The following ANKS1B variants were observed in gnomAD, a reference collection of about 807,000 sequenced individuals.
ANKS1B encodes the protein ankyrin repeat and sterile alpha motif domain containing 1B, also known as ankyrin repeat and sterile alpha motif domain-containing protein 1B.
ANKS1B carries 36 observed loss-of-function variants against 148.3 expected under a neutral mutation model. The ratio of observed to expected loss-of-function variants is 0.24; its 90% CI spans 0.19 to 0.32. ANKS1B has a LOEUF of 0.32. ANKS1B is among the 10% of genes least tolerant of loss of function. The probability of loss-of-function intolerance (pLI) is 1.00; values close to 1 mark genes in which losing one functional copy is unlikely to be tolerated. For synonymous variants in ANKS1B, 542 were observed against 560.8 expected (o/e 0.97, Z 0.47); for missense variants, 1,157 against 1,542.6 (o/e 0.75, Z 4.19).
At chr12:99,210,032 AAG>A (rs2083147694) in intron 14 of ANKS1B, among the ~76,000 whole-genome samples, 1 of 152,170 alleles carries the variant, frequency 6.6e-6, no homozygotes, top group African/African-American at 2.4e-5. Flanking sequence ...CTTAGTCCCT[AAG>A]AGAGAATGCT....
chr12:99,577,976 A>G (rs1301092474), intron 9 of ANKS1B, among the ~76,000 whole-genome samples: 1 of 152,136 alleles, frequency 6.6e-6, no homozygotes, highest in Admixed American at 6.6e-5. Context: ...TCCCAAACTA[A>G]ATATTAGCAA....
At chr12:99,325,870 G>T (rs909044722) in intron 12 of ANKS1B, among the ~76,000 whole-genome samples, 1 of 152,012 alleles carries the variant, frequency 6.6e-6, no homozygotes, top group Non-Finnish European at 1.5e-5. Flanking sequence ...ATAAAGAACT[G>T]CCAAAGACTG....
chr12:99,243,958 T>C (rs991773481), intron 14 of ANKS1B, among the ~76,000 whole-genome samples: 5 of 152,202 alleles, frequency 3.3e-5, no homozygotes, highest in Middle Eastern at 3.4e-3. Flanking sequence ...ACATGGCACA[T>C]GTATACCTAT....
chr12:99,966,786 T>C (rs531061846), intron 1 of ANKS1B, among the ~76,000 whole-genome samples: 3 of 152,206 alleles, frequency 2.0e-5, no homozygotes, highest in Non-Finnish European at 4.4e-5. Context: ...ATAGGCTTAC[T>C]AGGAACCCAT....
chr12:99,307,563 G>A (rs2082527358), intron 12 of ANKS1B, among the ~76,000 whole-genome samples: 1 of 152,028 alleles, frequency 6.6e-6, no homozygotes, highest in Non-Finnish European at 1.5e-5. Flanking sequence ...ACACTTCCTT[G>A]TCATTTTATG....
chr12:98,824,475 G>A (rs192094631), intron 19 of ANKS1B, among the ~76,000 whole-genome samples: 88 of 152,288 alleles, frequency 5.8e-4, no homozygotes, highest in African/African-American at 1.9e-3. Flanking sequence ...GGTCTGAACC[G>A]ATAGTCATAT....
rs377039697 is a variant in ANKS1B at position 99,722,886 on chromosome 12, C to T, written c.1128+50036G>A. Among the ~76,000 whole-genome samples, 24 of 152,012 alleles carry T rather than the reference C, an allele frequency of 1.6e-4. No homozygotes were observed. In the East Asian group the frequency reaches 3.3e-3, roughly 21 times the overall value. ...GTGTGACCTACAGAGAGAAAGGAAG[C>T]GCAGTGGTGCAGGGGGCCCACCTGA... On this transcript the variant is annotated intron_variant, in intron 8 of 26. Coordinates refer to ENST00000683438, the MANE Select transcript of ANKS1B (RefSeq NM_001352186.2).
chr12:99,225,081 T>C (rs2085693956), intron 14 of ANKS1B, among the ~76,000 whole-genome samples: 1 of 152,140 alleles, frequency 6.6e-6, no homozygotes. Flanking sequence ...AGTAGAAAAG[T>C]CTTTACAGAA....
chr12:99,126,583 G>C (rs182500057), intron 15 of ANKS1B, among the ~76,000 whole-genome samples: 64 of 152,182 alleles, frequency 4.2e-4, no homozygotes, highest in Admixed American at 1.1e-3. Flanking sequence ...TCATGACTTT[G>C]ATTGCATCCT....
chr12:99,117,743 T>C (rs1162591332), intron 15 of ANKS1B, among the ~76,000 whole-genome samples: 1 of 152,240 alleles, frequency 6.6e-6, no homozygotes, highest in Non-Finnish European at 1.5e-5. Flanking sequence ...CCTCTTTTTC[T>C]ATTGTTTGAA....
At chr12:99,174,247 A>G (rs1205351513) in intron 14 of ANKS1B, among the ~76,000 whole-genome samples, 1 of 152,166 alleles carries the variant, frequency 6.6e-6, no homozygotes, top group South Asian at 2.1e-4. Context: ...ATGTAAATGA[A>G]CTTTGAAGTG....
At chr12:99,873,004 T>G (rs1308605991) in intron 1 of ANKS1B, among the ~76,000 whole-genome samples, 2 of 152,138 alleles carry the variant, frequency 1.3e-5, no homozygotes, top group African/African-American at 4.8e-5. Flanking sequence ...CATCCAAAAT[T>G]TTGTGACCTT....
chr12:99,221,336 T>A (rs1378639007), intron 14 of ANKS1B, among the ~76,000 whole-genome samples: 1 of 151,962 alleles, frequency 6.6e-6, no homozygotes, highest in Admixed American at 6.6e-5. Flanking sequence ...GAAGACTCCA[T>A]CTCAAAATAA....
intron 9 of ANKS1B, among the ~76,000 whole-genome samples, chr12:99,551,541 AG>A (rs1567331951): frequency 7.7e-4 from 2 of 2,610 alleles, no homozygotes; most frequent in African/African-American, 3.1e-3. Context: ...AGGGGAGGGG[AG>A]GGGAGGGGAG....
chr12:99,352,412 G>C (rs960145925), intron 12 of ANKS1B, among the ~76,000 whole-genome samples: 6 of 151,822 alleles, frequency 4.0e-5, no homozygotes, highest in African/African-American at 1.4e-4. Context: ...TCTGGGAGGG[G>C]GGAGTCTGCT....
At chr12:99,098,550 T>C (rs11613203) in intron 15 of ANKS1B, among the ~76,000 whole-genome samples, 3,865 of 149,702 alleles carry the variant, frequency 0.026, 78 homozygotes, top group Non-Finnish European at 0.036. Context: ...GGTGACATAA[T>C]GTTTATGAAG....
At chr12:99,458,425 G>A (rs2095882320) in intron 10 of ANKS1B, among the ~76,000 whole-genome samples, 1 of 145,614 alleles carries the variant, frequency 6.9e-6, no homozygotes, top group East Asian at 2.0e-4. Flanking sequence ...GATCGGAGCA[G>A]AACTAAATGA....
Position 98,812,141 on chromosome 12 carries a change from A to G in ANKS1B, c.3067-4223T>C, listed in dbSNP as rs536740250. Among the ~76,000 whole-genome samples the G allele has an allele frequency of 2.0e-5, 3 of 152,344 alleles. No homozygotes were observed. In the South Asian group the frequency reaches 6.2e-4, roughly 32 times the overall value. ...AATTTCTAATACCGTCATGCACAAC[A>G]TAACGATGTTTCAGTCAACGACAGA... On this transcript the variant is annotated intron_variant, in intron 19 of 26. Coordinates refer to ENST00000683438, the MANE Select transcript of ANKS1B (RefSeq NM_001352186.2).
intron 9 of ANKS1B, chr12:99,648,316 A>C: frequency 1.9e-6 from 3 of 1,614,140 alleles, no homozygotes; most frequent in Non-Finnish European, 2.5e-6. Flanking sequence ...CATGTTTGAG[A>C]GCGACTTTAT....
Sources: gnomAD v4.1 joint callset for allele counts (sites outside exome capture counted in the v4.1 genomes callset) on GRCh38, gnomAD v4.1.1 for gene constraint, MANE v1.5 for transcripts, NCBI Gene and HGNC (gene_info 2026-07-23, HGNC 2026-07-21) for gene names.